Variants in PSG7 observed in about 807,000 individuals in gnomAD.
PSG7 encodes pregnancy-specific beta-1-glycoprotein 7.
PSG7 carries 57 observed loss-of-function variants against 45.6 expected under a neutral mutation model. The observed-to-expected ratio is 1.25, with a 90% confidence interval of 1.01 to 1.56. The LOEUF (loss-of-function observed/expected upper bound fraction) is 1.56. PSG7 is among the 40% of genes most tolerant of loss of function. PSG7 has a pLI of 0.00. For synonymous variants in PSG7, 298 were observed against 194.4 expected (o/e 1.53, Z -4.43); for missense variants, 796 against 508.4 (o/e 1.57, Z -5.44).
intron 3 of PSG7, chr19:42,927,483 G>A (rs990033356): frequency 2.0e-5 from 3 of 152,052 alleles, no homozygotes; most frequent in Admixed American, 6.6e-5. Context: ...TTCTGCAGAG[G>A]GCAGGTGAGG....
rs1026696203 is a variant in PSG7 at position 42,933,553 on chromosome 19, A to G, written c.430+1851T>C. 3.1e-4 allele frequency among the ~76,000 whole-genome samples: 46 copies of G among 149,324 alleles called. 1 individual carries two copies. The highest frequency in any genetic ancestry group is 1.1e-3 in the African/African-American group (44 of 40,566). On this transcript the variant is annotated intron_variant, in intron 2 of 5. Transcript: ENST00000406070. ...TCCAGGTGATTTCTGCACCTTTCCT[A>G]TTTCCTGGGAGGTGGGCCAGGCCAC...
chr19:42,935,323 T>A, intron 2 of PSG7, 81 bp downstream of exon 2: 1 of 1,553,756 alleles, frequency 6.4e-7, no homozygotes, highest in East Asian at 2.4e-5. Context: ...ACAGGCACAG[T>A]CCAGGCCTGA....
chr19:42,931,452 T>C (rs1164073342), intron 2 of PSG7, among the ~76,000 whole-genome samples: 1 of 151,518 alleles, frequency 6.6e-6, no homozygotes, highest in Non-Finnish European at 1.5e-5. Context: ...AAAGAAGTGA[T>C]GAGTGTTATG....
Position 42,936,883 on chromosome 19 carries a change from T to A in PSG7, c.64+130A>T. ...AGACTGATCTTGAACTCCTGATCTCTTGATCCACCCACCTCAGCCTCCCAA... is the reference window on the plus strand; with the variant it reads ...AGACTGATCTTGAACTCCTGATCTCATGATCCACCCACCTCAGCCTCCCAA... On this transcript the variant is annotated intron_variant, in intron 1 of 5. Transcript: ENST00000406070. 5.0e-6 allele frequency: 7 copies of A among 1,386,304 alleles called. 1 individual carries two copies. The highest frequency in any genetic ancestry group is 2.4e-5 in the South Asian group (2 of 81,732). The allele number at this position is 1,386,304 out of a possible 1,614,324, so 85.9% of individuals were successfully genotyped here.
intron 3 of PSG7, chr19:42,927,685 G>A (rs1265012517): frequency 1.3e-5 from 2 of 151,546 alleles, no homozygotes. Context: ...GATTCCTTGG[G>A]GTTGACTACT....
intron 2 of PSG7, among the ~76,000 whole-genome samples, chr19:42,933,729 G>A (rs954154321): frequency 7.3e-5 from 11 of 150,986 alleles, no homozygotes; most frequent in Non-Finnish European, 1.3e-4. Context: ...GCAGAGAGAG[G>A]CAGAGACACC....
rs1310360833 is a variant in PSG7 at position 42,935,474 on chromosome 19, G to T, written c.360C>A (p.Tyr120Ter). The change falls in exon 2 of 6, where the codon TAC (tyrosine) becomes TAA (stop). Residue 120 changes from tyrosine to a stop codon, truncating the protein, a stop_gained. Transcript: ENST00000406070. LOFTEE classifies it high-confidence loss of function. ...CACCTCGCTTTATGATGTGTAAAGTGTAGGATCCTGTGTCTTCCTGGGTGA... is the reference window on the plus strand; with the variant it reads ...CACCTCGCTTTATGATGTGTAAAGTTTAGGATCCTGTGTCTTCCTGGGTGA... ...QNVTQEDTGS[Y>*]TLHIIKRGDG... is the part of the protein sequence containing the mutation. The T allele has an allele frequency of 5.6e-6, 9 of 1,612,078 alleles. No homozygotes were observed. The highest frequency in any genetic ancestry group is 7.6e-6 in the Non-Finnish European group (9 of 1,179,024).
In PSG7 at chr19:42,925,889, C is replaced by T. The variant is rs374874463; in HGVS notation, c.1127G>A (p.Gly376Glu). 23 of 1,611,984 alleles carry T rather than the reference C, an allele frequency of 1.4e-5. No individual in the cohort carries two copies. The highest frequency in any genetic ancestry group is 1.6e-5 in the Non-Finnish European group (19 of 1,179,138). Residue 376 changes from glycine (G) to glutamate (E), a missense_variant, in exon 5 of 6, where the codon GGA (glycine) becomes GAA (glutamate). By Grantham distance (98) the Gly-to-Glu change is moderately conservative. Coordinates refer to ENST00000406070, the MANE Select transcript of PSG7 (RefSeq NM_002783.3). ...AATCTGGGGGATAGAAAGCTTTTGT[C>T]CTGATAGCTGAAACTTCCCATTAAT... ...WTINGKFQLS[G>E]QKLSIPQITT...
chr19:42,933,297 A>ATT (rs1399711757), intron 2 of PSG7, among the ~76,000 whole-genome samples: 7 of 13,244 alleles, frequency 5.3e-4, no homozygotes, highest in African/African-American at 1.4e-3. Flanking sequence ...ATATATATAT[A>ATT]TATATATATA....
chr19:42,935,284 C>G (rs981743975), intron 2 of PSG7, 120 bp downstream of exon 2: 6 of 1,492,526 alleles, frequency 4.0e-6, no homozygotes, highest in African/African-American at 1.4e-5. Context: ...TGCCCAAACC[C>G]CAGCATGGGA....
chr19:42,927,521 G>C (rs1360668672), intron 3 of PSG7: 1 of 151,636 alleles, frequency 6.6e-6, no homozygotes, highest in South Asian at 2.1e-4. Context: ...AGAAATACAT[G>C]TGGACATTTG....
intron 2 of PSG7, among the ~76,000 whole-genome samples, chr19:42,935,069 C>A (rs1600573228): frequency 6.6e-6 from 1 of 151,734 alleles, no homozygotes; most frequent in African/African-American, 2.4e-5. Context: ...GCCCCTCAGG[C>A]CAAGCCCTAC....
chr19:42,936,939 C>T lies in PSG7; in HGVS notation c.64+74G>A, dbSNP rs1165604616. On this transcript the variant is annotated intron_variant, in intron 1 of 5. Coordinates refer to ENST00000406070, the MANE Select transcript of PSG7 (RefSeq NM_002783.3). ...TGGCTTCTTTTATTTTTTAGAACCCCATCCTCTCTAGGAGACCCCATCCAG... is the reference window on the plus strand; with the variant it reads ...TGGCTTCTTTTATTTTTTAGAACCCTATCCTCTCTAGGAGACCCCATCCAG... The T allele has an allele frequency of 1.2e-4, 185 of 1,585,654 alleles. 9 individuals carry two copies. The East Asian group carries it at 1.2e-3, about 10-fold the overall frequency.
At position 42,926,448 on chromosome 19, in the gene PSG7, C is replaced by G; in HGVS notation, c.978G>C (p.Leu326=). The change falls in exon 4 of 6, where the codon CTG becomes CTC. Residue 326 remains leucine (L), a synonymous_variant. Transcript: ENST00000406070. ...YGGIRSDPVT[L]NVLYGPDLPR... is the part of the protein sequence containing the mutation. ...CTCAAGGATACTCACAGAGGACATTCAGGGTGACTGGGTCACTGCGGATGC... is the reference window on the plus strand; with the variant it reads ...CTCAAGGATACTCACAGAGGACATTGAGGGTGACTGGGTCACTGCGGATGC... The G allele has an allele frequency of 1.2e-6, 2 of 1,611,578 alleles. No homozygotes were observed. Among genetic ancestry groups the G allele is most frequent in the Non-Finnish European group, 1.7e-6 (2 of 1,178,936 alleles).
chr19:42,933,307 A>ATATATTTTTTTTT (rs56691588), intron 2 of PSG7, among the ~76,000 whole-genome samples: 5 of 13,504 alleles, frequency 3.7e-4, no homozygotes, highest in Admixed American at 1.6e-3. Flanking sequence ...ATATATATAT[A>ATATATTTTTTTTT]TTTTTTTTTT....
chr19:42,929,812 C>T (rs1482136359), intron 2 of PSG7, 92 bp from the exon 3 acceptor site: 1 of 1,502,802 alleles, frequency 6.7e-7, no homozygotes, highest in Non-Finnish European at 9.0e-7. Context: ...TCCAACCTCT[C>T]AGCCCACCCA....
chr19:42,935,539 C>G lies in PSG7; in HGVS notation c.295G>C (p.Glu99Gln), dbSNP rs1973129013. Reference protein sequence around the residue: ...IKYGPAYSGRETVYSNASLLI... With the variant: ...IKYGPAYSGRQTVYSNASLLI... ...AGGGATGCATTGGAATATACTGTTTCTCGTCCACTGTATGCAGGCCCATAT... is the reference window on the plus strand; with the variant it reads ...AGGGATGCATTGGAATATACTGTTTGTCGTCCACTGTATGCAGGCCCATAT... Residue 99 changes from glutamate (E) to glutamine (Q), a missense_variant, in exon 2 of 6, where the codon GAA becomes CAA. Physicochemically the swap from Glu to Gln is conservative, Grantham distance 29. Coordinates refer to ENST00000406070, the MANE Select transcript of PSG7 (RefSeq NM_002783.3). The G allele has an allele frequency of 1.2e-6, 2 of 1,611,998 alleles. No homozygotes were observed. The highest frequency in any genetic ancestry group is 1.3e-5 in the African/African-American group (1 of 74,554).
Position 42,935,729 on chromosome 19 carries a change from T to A in PSG7, c.105A>T (p.Gln35His). The change falls in exon 2 of 6, where the codon CAA (glutamine) becomes CAT (histidine). Residue 35 changes from glutamine to histidine, a missense_variant. Coordinates refer to ENST00000406070, the MANE Select transcript of PSG7 (RefSeq NM_002783.3). ...TTGGTGGCTGGGCTTCAATCGTGAC[T>A]TGGGCTGTGGTGGGCGGGTTCCAGA... ...LNFWNPPTTA[Q>H]VTIEAQPPKV... 6.2e-7 allele frequency: 1 copy of A among 1,611,778 alleles called. No individual in the cohort carries two copies. The highest frequency in any genetic ancestry group is 8.5e-7 in the Non-Finnish European group (1 of 1,178,964).
intron 4 of PSG7, 168 bp from the exon 5 acceptor site, chr19:42,926,195 C>T (rs2122672262): frequency 7.1e-7 from 1 of 1,401,710 alleles, no homozygotes; most frequent in East Asian, 2.3e-5. Flanking sequence ...CCTGTTTCTC[C>T]CATCACAAGC....
Sources: allele counts gnomAD v4.1 joint callset (sites outside exome capture counted in the v4.1 genomes callset), GRCh38; gene constraint gnomAD v4.1.1; transcripts MANE v1.5; gene names NCBI Gene and HGNC (gene_info 2026-07-23, HGNC 2026-07-21).